IFT43: variants seen among roughly 807,000 people sequenced by gnomAD.
IFT43 encodes the protein intraflagellar transport 43.
Under a neutral mutation model 32.3 loss-of-function variants are expected in IFT43, and 33 were observed. The ratio of observed to expected loss-of-function variants is 1.02; its 90% confidence interval spans 0.77 to 1.37. The LOEUF (loss-of-function observed/expected upper bound fraction) is 1.37. IFT43 is among the 40% of genes most tolerant of loss of function. The pLI is 0.00. For missense variants in IFT43, 274 were observed against 265.9 expected, an observed-to-expected ratio of 1.03 and a Z score of -0.21; for synonymous variants, 93 against 98.2, an observed-to-expected ratio of 0.95 and a Z score of 0.31.
intron 2 of IFT43, among the ~76,000 whole-genome samples, chr14:76,000,791 C>T (rs1031694200): frequency 5.3e-5 from 8 of 152,012 alleles, no homozygotes; most frequent in African/African-American, 1.7e-4. Flanking sequence ...GAGTTGAGCC[C>T]GCTTGTAGCT....
chr14:76,067,221 G>A (rs1042518026), intron 5 of IFT43, among the ~76,000 whole-genome samples: 3 of 152,162 alleles, frequency 2.0e-5, no homozygotes, highest in African/African-American at 4.8e-5. Context: ...TAGAAGACAA[G>A]CACTTTCTCC....
At chr14:76,029,851 T>TTTTTATTTTTATTTTA (rs1555365089) in intron 3 of IFT43, among the ~76,000 whole-genome samples, 6 of 117,460 alleles carry the variant, frequency 5.1e-5, no homozygotes, top group African/African-American at 1.3e-4. Flanking sequence ...TTTATTTTTA[T>TTTTTATTTTTATTTTA]TTTTATTTTA....
chr14:75,993,295 G>A (rs1259824305), intron 2 of IFT43, among the ~76,000 whole-genome samples: 1 of 152,184 alleles, frequency 6.6e-6, no homozygotes, highest in Non-Finnish European at 1.5e-5. Context: ...ATGTAATATG[G>A]AAATTCAGAT....
At chr14:76,004,853 A>G (rs537802813) in intron 2 of IFT43, among the ~76,000 whole-genome samples, 1 of 151,666 alleles carries the variant, frequency 6.6e-6, no homozygotes, top group African/African-American at 2.4e-5. Flanking sequence ...GATTTTTTTC[A>G]TTTTAGATAT....
intron 2 of IFT43, among the ~76,000 whole-genome samples, chr14:76,011,476 G>C (rs1277494274): frequency 1.3e-5 from 2 of 152,168 alleles, no homozygotes; most frequent in African/African-American, 4.8e-5. Flanking sequence ...TGCTAAGTTT[G>C]ATCACTGAGT....
Position 76,082,574 on chromosome 14 carries a change from G to A in IFT43, c.369-43G>A, listed in dbSNP as rs749716605. The A allele has an allele frequency of 2.5e-6, 4 of 1,613,490 alleles. No individual in the cohort carries two copies. In the African/African-American group the frequency reaches 5.3e-5, roughly 22 times the overall value. ...TGGCCCGGCAGCACTCCTGGAACAG[G>A]TCCTGCCTGGGGTTCCCGCCTCTCG... On this transcript the variant is annotated intron_variant, in intron 6 of 8. Transcript: ENST00000314067.
intron 2 of IFT43, among the ~76,000 whole-genome samples, chr14:76,001,743 G>A (rs1164809516): frequency 6.6e-6 from 1 of 152,168 alleles, no homozygotes; most frequent in Non-Finnish European, 1.5e-5. Flanking sequence ...ACTTCTAGAA[G>A]CTGGGAAGTC....
intron 2 of IFT43, among the ~76,000 whole-genome samples, chr14:76,001,592 A>T (rs2035886557): frequency 6.6e-6 from 1 of 152,218 alleles, no homozygotes; most frequent in Non-Finnish European, 1.5e-5. Context: ...AACACCCCTG[A>T]GCAGGCTGGA....
intron 5 of IFT43, among the ~76,000 whole-genome samples, chr14:76,076,100 C>T (rs1461424800): frequency 6.6e-6 from 1 of 152,158 alleles, no homozygotes; most frequent in East Asian, 1.9e-4. Flanking sequence ...CCTTGAGCAG[C>T]CTGTGAGTGC....
intron 2 of IFT43, among the ~76,000 whole-genome samples, chr14:75,997,545 A>G (rs953308668): frequency 2.6e-5 from 4 of 152,214 alleles, no homozygotes; most frequent in South Asian, 2.1e-4. Flanking sequence ...TTCTATTGCA[A>G]TGTTGGAATT....
chr14:76,014,449 T>C (rs1343458074), intron 2 of IFT43, among the ~76,000 whole-genome samples: 1 of 152,234 alleles, frequency 6.6e-6, no homozygotes, highest in African/African-American at 2.4e-5. Flanking sequence ...AGGCCTGCAT[T>C]GTAGAGTAAT....
intron 2 of IFT43, among the ~76,000 whole-genome samples, chr14:76,000,488 T>C (rs1309754309): frequency 1.3e-5 from 2 of 151,884 alleles, no homozygotes; most frequent in East Asian, 3.9e-4. Flanking sequence ...TCGCCAGGAT[T>C]GTCTCGATCT....
chr14:75,986,102 TC>T lies in IFT43; in HGVS notation c.54+264del, dbSNP rs1361118326. 4.1e-6 allele frequency: 6 copies of T among 1,447,080 alleles called. No homozygotes were observed. The East Asian group carries it at 1.5e-4, about 37-fold the overall frequency. The allele number at this position is 1,447,080 out of a possible 1,614,324, so 89.6% of individuals were successfully genotyped here. The stretch of plus-strand genomic sequence containing the variant: ...CCGGCGTCTAGGACCGTGGGAAATT[TC>T]CGAGCCTTTCTCCGTTTTCTAGAGC... On this transcript the variant is annotated intron_variant, in intron 1 of 8. Transcript: ENST00000314067.
At chr14:76,040,473 C>T (rs576209057) in intron 3 of IFT43, among the ~76,000 whole-genome samples, 1 of 152,298 alleles carries the variant, frequency 6.6e-6, no homozygotes, top group Admixed American at 6.5e-5. Flanking sequence ...GAAGGTGCAT[C>T]AGCCTTTTTC....
intron 5 of IFT43, among the ~76,000 whole-genome samples, chr14:76,079,352 G>A (rs989334051): frequency 3.3e-5 from 5 of 152,152 alleles, no homozygotes; most frequent in African/African-American, 1.2e-4. Flanking sequence ...CCATAAGAAT[G>A]GTTATTGAAT....
At chr14:76,063,225 C>T (rs948432129) in intron 5 of IFT43, among the ~76,000 whole-genome samples, 1 of 152,134 alleles carries the variant, frequency 6.6e-6, no homozygotes, top group Non-Finnish European at 1.5e-5. Flanking sequence ...CAGTCTATGG[C>T]CATACCACCC....
At chr14:76,076,464 G>A (rs906964751) in intron 5 of IFT43, 1 of 1,355,244 alleles carries the variant, frequency 7.4e-7, no homozygotes, top group Non-Finnish European at 1.0e-6. Context: ...GGGACCCAGG[G>A]GCCAGATTGG....
At chr14:76,052,627 T>G (rs999149351) in intron 3 of IFT43, among the ~76,000 whole-genome samples, 1 of 152,206 alleles carries the variant, frequency 6.6e-6, no homozygotes, top group African/African-American at 2.4e-5. Context: ...ATCCAGCTTG[T>G]GCTCAGCTGC....
At chr14:76,039,833 G>T (rs2036672708) in intron 3 of IFT43, among the ~76,000 whole-genome samples, 1 of 152,020 alleles carries the variant, frequency 6.6e-6, no homozygotes. Context: ...CTCTATGCAG[G>T]TTAATATATT....
Sources: allele counts gnomAD v4.1 joint callset (sites outside exome capture counted in the v4.1 genomes callset), GRCh38; gene constraint gnomAD v4.1.1; transcripts MANE v1.5; gene names NCBI Gene and HGNC (gene_info 2026-07-23, HGNC 2026-07-21).